MEGF11: variants seen among roughly 807,000 people sequenced by gnomAD.
MEGF11 encodes the protein multiple EGF like domains 11, also known as multiple epidermal growth factor-like domains protein 11.
MEGF11 carries 126 observed loss-of-function variants against 146.6 expected under a neutral mutation model. The ratio of observed to expected loss-of-function variants is 0.86; its 90% CI spans 0.74 to 1.00. The LOEUF (loss-of-function observed/expected upper bound fraction) is 1.00, where lower values mean the gene tolerates loss of function less well. Among genes scored for constraint, MEGF11 ranks in the 50% least tolerant of loss-of-function variants. The pLI is 0.00. For synonymous variants in MEGF11, 532 were observed against 583.4 expected (o/e 0.91, Z 1.27); for missense variants, 1,509 against 1,521.2 (o/e 0.99, Z 0.13).
intron 1 of MEGF11, among the ~76,000 whole-genome samples, chr15:66,136,861 CTA>C (rs1168629143): frequency 3.3e-5 from 5 of 152,098 alleles, no homozygotes; most frequent in Admixed American, 6.5e-5. Flanking sequence ...GATCCCATCT[CTA>C]CAAACAATAC....
chr15:66,050,562 T>A (rs948532370), intron 5 of MEGF11, among the ~76,000 whole-genome samples: 1 of 152,158 alleles, frequency 6.6e-6, no homozygotes, highest in Admixed American at 6.5e-5. Context: ...ACACGGGGCC[T>A]TAGACACCCA....
chr15:66,124,509 C>T (rs1022722438), intron 2 of MEGF11, among the ~76,000 whole-genome samples: 2 of 152,186 alleles, frequency 1.3e-5, no homozygotes, highest in Admixed American at 6.5e-5. Context: ...TAACATTTAT[C>T]GAGCACCCTG....
intron 4 of MEGF11, among the ~76,000 whole-genome samples, chr15:66,094,959 C>T (rs1030805160): frequency 6.6e-6 from 1 of 152,166 alleles, no homozygotes; most frequent in African/African-American, 2.4e-5. Context: ...CTTTTCCCCC[C>T]ACCTTTCTGC....
intron 1 of MEGF11, among the ~76,000 whole-genome samples, chr15:66,177,409 T>A (rs1420297879): frequency 6.6e-6 from 1 of 152,186 alleles, no homozygotes; most frequent in Non-Finnish European, 1.5e-5. Context: ...GTGGTGACTA[T>A]CTCCTTTTAC....
chr15:66,023,140 C>CAAAAAAAAAAAAAAAAA (rs375962533), intron 5 of MEGF11, among the ~76,000 whole-genome samples: 12 of 123,702 alleles, frequency 9.7e-5, no homozygotes, highest in Non-Finnish European at 1.1e-4. Context: ...GACTCCATCT[C>CAAAAAAAAAAAAAAAAA]AAAAAAAAAA....
chr15:65,929,608 C>T, intron 12 of MEGF11, 112 bp downstream of exon 12: 2 of 1,276,960 alleles, frequency 1.6e-6, no homozygotes, highest in Non-Finnish European at 2.1e-6. Flanking sequence ...CCAAGTGTCC[C>T]ATCACCTAGC....
intron 5 of MEGF11, among the ~76,000 whole-genome samples, chr15:66,059,227 C>T (rs2084801907): frequency 6.6e-6 from 1 of 152,222 alleles, no homozygotes; most frequent in Non-Finnish European, 1.5e-5. Context: ...GAGCTGTTCC[C>T]TCCCCCGCGC....
intron 10 of MEGF11, among the ~76,000 whole-genome samples, chr15:65,951,810 G>T (rs1211316152): frequency 6.6e-6 from 1 of 152,112 alleles, no homozygotes; most frequent in Admixed American, 6.5e-5. Context: ...ACCAGCCTGG[G>T]CAACATAGTG....
intron 2 of MEGF11, among the ~76,000 whole-genome samples, chr15:66,124,609 G>T (rs537671736): frequency 6.6e-6 from 1 of 152,260 alleles, no homozygotes; most frequent in African/African-American, 2.4e-5. Context: ...AGCATCAGGG[G>T]GCATAAGTGG....
rs779187256 is a variant in MEGF11, at chr15:65,965,107, A to C, written c.913T>G (p.Cys305Gly). ...GYMGDRCQEE[C>G]PFGSFGFQCS... ...TGGAAGCCGAAGGACCCGAAGGGGCACTCCTCTTGGCACCTGTGGGAGAGC... is the reference window on the plus strand; with the variant it reads ...TGGAAGCCGAAGGACCCGAAGGGGCCCTCCTCTTGGCACCTGTGGGAGAGC... The change falls in exon 9 of 26, where the codon TGC becomes GGC. Residue 305 changes from cysteine to glycine, a missense_variant. Coordinates refer to ENST00000395614, the MANE Select transcript of MEGF11 (RefSeq NM_001385028.1). 6.9e-6 allele frequency: 11 copies of C among 1,590,998 alleles called. No individual in the cohort carries two copies. The South Asian group carries it at 1.3e-4, about 18-fold the overall frequency.
chr15:65,993,501 C>T (rs2082115421), intron 5 of MEGF11, among the ~76,000 whole-genome samples: 1 of 151,430 alleles, frequency 6.6e-6, no homozygotes, highest in Non-Finnish European at 1.5e-5. Context: ...TAAATCATGT[C>T]TGTGCACAAA....
intron 8 of MEGF11, among the ~76,000 whole-genome samples, chr15:65,968,026 TAAG>T (rs1026024319): frequency 3.9e-5 from 6 of 152,158 alleles, no homozygotes; most frequent in Admixed American, 6.5e-5. Flanking sequence ...TGCATGTGGC[TAAG>T]ATGACCCCAG....
intron 1 of MEGF11, among the ~76,000 whole-genome samples, chr15:66,212,259 G>A (rs1048261523): frequency 2.6e-5 from 4 of 152,052 alleles, no homozygotes; most frequent in East Asian, 1.9e-4. Context: ...AAGGGATGGC[G>A]GACCCCTCTC....
intron 1 of MEGF11, among the ~76,000 whole-genome samples, chr15:66,237,924 T>C (rs2092130195): frequency 6.6e-6 from 1 of 152,196 alleles, no homozygotes; most frequent in East Asian, 1.9e-4. Context: ...TATTAAGTGT[T>C]TGAAGGGAAA....
At chr15:65,916,774 G>T (rs1301626356) in intron 17 of MEGF11, 54 bp downstream of exon 17, 3 of 1,592,344 alleles carry the variant, frequency 1.9e-6, no homozygotes, top group East Asian at 4.6e-5. Flanking sequence ...ACAGTGGCCA[G>T]TAGGCCGCAG....
intron 1 of MEGF11, among the ~76,000 whole-genome samples, chr15:66,153,966 G>A (rs1567265778): frequency 6.6e-6 from 1 of 152,198 alleles, no homozygotes; most frequent in Admixed American, 6.5e-5. Flanking sequence ...TTCCAATCTG[G>A]GCCCTGGTGA....
At chr15:66,239,400 C>T (rs184518441) in intron 1 of MEGF11, among the ~76,000 whole-genome samples, 9 of 152,344 alleles carry the variant, frequency 5.9e-5, no homozygotes, top group Admixed American at 4.6e-4. Context: ...CTCACCTGCT[C>T]AAGAACCACT....
At chr15:66,220,526 GTT>G (rs33968918) in intron 1 of MEGF11, among the ~76,000 whole-genome samples, 64,875 of 115,066 alleles carry the variant, frequency 0.56, 17,391 homozygotes, top group East Asian at 0.65. Flanking sequence ...GTTTCGTTGG[GTT>G]TTTTTTTTTT....
At chr15:66,081,907 T>G (rs2085872648) in intron 5 of MEGF11, among the ~76,000 whole-genome samples, 1 of 152,094 alleles carries the variant, frequency 6.6e-6, no homozygotes, top group Non-Finnish European at 1.5e-5. Context: ...ATCAGTCCCC[T>G]TAGAGGGCAC....
Sources: gnomAD v4.1 joint callset for allele counts (sites outside exome capture counted in the v4.1 genomes callset) on GRCh38, gnomAD v4.1.1 for gene constraint, MANE v1.5 for transcripts, NCBI Gene and HGNC (gene_info 2026-07-23, HGNC 2026-07-21) for gene names.